TACR1: variants seen among roughly 807,000 people sequenced by gnomAD.
TACR1 encodes tachykinin receptor 1.
A neutral mutation model predicts 35.8 loss-of-function variants in TACR1; 25 were observed. The ratio of observed to expected loss-of-function variants is 0.70; its 90% CI spans 0.51 to 0.98. The LOEUF (loss-of-function observed/expected upper bound fraction) is 0.98, where lower values mean the gene tolerates loss of function less well. Ranked by LOEUF, TACR1 falls within the 50% of genes least tolerant of loss-of-function variation. TACR1 has a pLI of 0.00. For missense variants in TACR1, 478 were observed against 522.9 expected, an observed-to-expected ratio of 0.91 and a Z score of 0.84; for synonymous variants, 195 against 206.7, an observed-to-expected ratio of 0.94 and a Z score of 0.48.
At chr2:75,056,313 C>T (rs1002835621) in intron 2 of TACR1, among the ~76,000 whole-genome samples, 3 of 152,218 alleles carry the variant, frequency 2.0e-5, no homozygotes, top group African/African-American at 7.2e-5. Flanking sequence ...TGCAAACTAA[C>T]CGAAACAAAG....
At position 75,175,348 on chromosome 2, in the gene TACR1, C is replaced by T. The variant is rs142621855; in HGVS notation, c.389+23198G>A. Among the ~76,000 whole-genome samples the T allele has an allele frequency of 2.0e-3, 297 of 152,260 alleles. 1 individual carries two copies. Among genetic ancestry groups the T allele is most frequent in the Non-Finnish European group, 1.5e-3 (100 of 68,022 alleles). On this transcript the variant is annotated intron_variant, in intron 1 of 4. Transcript: ENST00000305249. ...GCAGGTGAAAAATCTTATAATTACC[C>T]AAACCTAGAACTTATCTCTGATTTT...
chr2:75,080,965 A>C (rs1673076537), intron 2 of TACR1, among the ~76,000 whole-genome samples: 1 of 152,228 alleles, frequency 6.6e-6, no homozygotes, highest in Admixed American at 6.5e-5. Context: ...AGACAGAATG[A>C]GAATGGATGA....
chr2:75,094,008 TTGAACTC>T (rs1257299659), intron 2 of TACR1, among the ~76,000 whole-genome samples: 13 of 152,264 alleles, frequency 8.5e-5, no homozygotes, highest in Admixed American at 6.5e-5. Flanking sequence ...AGCTGAGTCT[TTGAACTC>T]TGAACAGTTT....
At chr2:75,179,447 A>T (rs181269302) in intron 1 of TACR1, among the ~76,000 whole-genome samples, 168 of 152,276 alleles carry the variant, frequency 1.1e-3, no homozygotes, top group Non-Finnish European at 2.1e-3. Flanking sequence ...CAGCCAAATG[A>T]TCTTTTAAAA....
At chr2:75,139,640 G>C (rs996719846) in intron 1 of TACR1, among the ~76,000 whole-genome samples, 9 of 152,310 alleles carry the variant, frequency 5.9e-5, no homozygotes, top group African/African-American at 2.2e-4. Context: ...GAATATGTCA[G>C]AGCTTTATTT....
At chr2:75,128,050 C>T (rs1309512469) in intron 1 of TACR1, among the ~76,000 whole-genome samples, 1 of 152,146 alleles carries the variant, frequency 6.6e-6, no homozygotes, top group Non-Finnish European at 1.5e-5. Flanking sequence ...TTCCTGAGGG[C>T]AGGGGTTGTG....
chr2:75,195,202 G>T (rs1284187486), intron 1 of TACR1, among the ~76,000 whole-genome samples: 3 of 152,152 alleles, frequency 2.0e-5, no homozygotes, highest in Non-Finnish European at 2.9e-5. Context: ...CCTGGTATTT[G>T]TTGGAGTTTA....
chr2:75,141,677 G>A (rs1055939989), intron 1 of TACR1, among the ~76,000 whole-genome samples: 4 of 152,134 alleles, frequency 2.6e-5, no homozygotes, highest in African/African-American at 9.7e-5. Context: ...ACTCCATTGG[G>A]TACTAGGAAT....
chr2:75,186,036 T>G (rs964996506), intron 1 of TACR1, among the ~76,000 whole-genome samples: 1 of 152,062 alleles, frequency 6.6e-6, no homozygotes, highest in African/African-American at 2.4e-5. Flanking sequence ...AAAATAAAAT[T>G]GTATATGCTA....
At chr2:75,059,862 A>G (rs1245110497) in intron 2 of TACR1, among the ~76,000 whole-genome samples, 1 of 152,176 alleles carries the variant, frequency 6.6e-6, no homozygotes, top group African/African-American at 2.4e-5. Context: ...TCCTTCTCAC[A>G]GCATGGTGCT....
intron 1 of TACR1, among the ~76,000 whole-genome samples, chr2:75,149,735 T>A (rs1023754435): frequency 6.6e-6 from 1 of 152,190 alleles, no homozygotes; most frequent in Non-Finnish European, 1.5e-5. Context: ...CTTTATTTCT[T>A]TCTCTTGCCT....
chr2:75,135,944 T>C (rs768927711), intron 1 of TACR1, among the ~76,000 whole-genome samples: 29 of 152,208 alleles, frequency 1.9e-4, no homozygotes, highest in Non-Finnish European at 2.9e-4. Flanking sequence ...CACCATCGTT[T>C]TGCAAATCTC....
At chr2:75,104,187 C>T (rs1442492677) in intron 2 of TACR1, among the ~76,000 whole-genome samples, 1 of 151,858 alleles carries the variant, frequency 6.6e-6, no homozygotes, top group Non-Finnish European at 1.5e-5. Flanking sequence ...GCTTTAAGGA[C>T]ACACAAAGAC....
chr2:75,120,237 T>C (rs1673940426), intron 2 of TACR1, among the ~76,000 whole-genome samples: 2 of 152,286 alleles, frequency 1.3e-5, no homozygotes, highest in East Asian at 1.9e-4. Flanking sequence ...AGCGGCATTC[T>C]GTAGCTTAGG....
chr2:75,136,334 G>C, intron 1 of TACR1, among the ~76,000 whole-genome samples: 1 of 152,144 alleles, frequency 6.6e-6, no homozygotes, highest in East Asian at 1.9e-4. Context: ...TGCTAAAGAC[G>C]TGCTTATTAG....
chr2:75,198,923 G>T lies in TACR1; in HGVS notation c.12C>A (p.Val4=). The T allele has an allele frequency of 1.9e-6, 3 of 1,613,230 alleles. No homozygotes were observed. Among genetic ancestry groups the T allele is most frequent in the Non-Finnish European group, 2.5e-6 (3 of 1,179,904 alleles). The change falls in exon 1 of 5, where the codon GTC becomes GTA. Residue 4 remains valine (V), a synonymous_variant. Transcript: ENST00000305249. MDN[V]LPVDSDLSPN... The stretch of plus-strand genomic sequence containing the variant: ...GGGAGAGGTCTGAGTCCACCGGGAG[G>T]ACGTTATCCATTTCGAAGCTAGGCG...
intron 2 of TACR1, among the ~76,000 whole-genome samples, chr2:75,076,427 T>G (rs1196633348): frequency 6.6e-6 from 1 of 152,192 alleles, no homozygotes; most frequent in Non-Finnish European, 1.5e-5. Flanking sequence ...GAGTGAAAAC[T>G]CATAGACCCA....
chr2:75,122,426 C>T (rs1673987463), intron 1 of TACR1, among the ~76,000 whole-genome samples: 1 of 152,290 alleles, frequency 6.6e-6, no homozygotes, highest in East Asian at 1.9e-4. Context: ...GTGCTAGGGA[C>T]CTGGGATTTC....
At chr2:75,146,050 G>C (rs1674504189) in intron 1 of TACR1, among the ~76,000 whole-genome samples, 1 of 152,156 alleles carries the variant, frequency 6.6e-6, no homozygotes, top group African/African-American at 2.4e-5. Flanking sequence ...AGGACAGAGC[G>C]GGCAGTAAAG....
Sources: gnomAD v4.1 joint callset for allele counts (sites outside exome capture counted in the v4.1 genomes callset) on GRCh38, gnomAD v4.1.1 for gene constraint, MANE v1.5 for transcripts, NCBI Gene and HGNC (gene_info 2026-07-23, HGNC 2026-07-21) for gene names.